Variants in FER1L6 observed in about 807,000 individuals in gnomAD.
The protein encoded by FER1L6 is fer-1 like family member 6, also known as fer-1-like protein 6.
A neutral mutation model predicts 219.2 loss-of-function variants in FER1L6; 177 were observed. The ratio of observed to expected loss-of-function variants is 0.81; its 90% CI spans 0.71 to 0.91. The LOEUF (loss-of-function observed/expected upper bound fraction) is 0.91, where lower values mean the gene tolerates loss of function less well. Among genes scored for constraint, FER1L6 ranks in the 40% least tolerant of loss-of-function variants. The pLI is 0.00. For synonymous variants in FER1L6, 768 were observed against 824.3 expected (o/e 0.93, Z 1.17); for missense variants, 2,153 against 2,259.9 (o/e 0.95, Z 0.96).
intron 1 of FER1L6, among the ~76,000 whole-genome samples, chr8:123,868,935 G>C (rs753210396): frequency 2.6e-5 from 4 of 152,154 alleles, no homozygotes; most frequent in Non-Finnish European, 5.9e-5. Flanking sequence ...CAGTAGTTCA[G>C]ACAGGTAGGG....
At chr8:124,005,837 G>T (rs1290939853) in intron 13 of FER1L6, among the ~76,000 whole-genome samples, 1 of 152,222 alleles carries the variant, frequency 6.6e-6, no homozygotes, top group Non-Finnish European at 1.5e-5. Context: ...GGATGAGAAT[G>T]TGCTTAAGGG....
Position 124,010,728 on chromosome 8 carries a change from A to T in FER1L6, c.1821+14A>T. ...GCAGACTTCCTGGTAGGTGACTCTG[A>T]CAGGTGATGGATTAGAGAATTGGGA... is the stretch of plus-strand genomic sequence containing the variant. On this transcript the variant is annotated intron_variant, in intron 14 of 40. Coordinates refer to ENST00000522917, the MANE Select transcript of FER1L6 (RefSeq NM_001039112.2). 1 of 1,612,384 alleles carries T rather than the reference A, an allele frequency of 6.2e-7. No homozygotes were observed. Among genetic ancestry groups the T allele is most frequent in the Non-Finnish European group, 8.5e-7 (1 of 1,179,620 alleles).
intron 12 of FER1L6, among the ~76,000 whole-genome samples, chr8:123,997,298 G>C (rs965330809): frequency 4.6e-5 from 7 of 151,996 alleles, no homozygotes; most frequent in Non-Finnish European, 1.0e-4. Context: ...AGGATAAAAG[G>C]GTTTTTGTTG....
chr8:124,074,524 T>C (rs1821199837), intron 31 of FER1L6, among the ~76,000 whole-genome samples: 2 of 151,938 alleles, frequency 1.3e-5, no homozygotes, highest in African/African-American at 4.8e-5. Context: ...TGGTGGCTCA[T>C]GCCTGTAGTT....
chr8:124,104,422 G>A (rs1022663849), intron 39 of FER1L6, among the ~76,000 whole-genome samples: 1 of 152,216 alleles, frequency 6.6e-6, no homozygotes, highest in East Asian at 1.9e-4. Context: ...TGAAATGCAG[G>A]GAAGGAATGG....
At chr8:123,967,940 A>T (rs1447262186) in intron 5 of FER1L6, among the ~76,000 whole-genome samples, 1 of 152,106 alleles carries the variant, frequency 6.6e-6, no homozygotes, top group Admixed American at 6.5e-5. Context: ...TGGGCAACAA[A>T]GCAAGACGTT....
chr8:124,112,697 C>T (rs983721376), intron 39 of FER1L6, among the ~76,000 whole-genome samples: 5 of 152,166 alleles, frequency 3.3e-5, no homozygotes, highest in African/African-American at 4.8e-5. Flanking sequence ...CTGTCAGCAT[C>T]TATTATGGCT....
intron 2 of FER1L6, among the ~76,000 whole-genome samples, chr8:123,960,101 G>T (rs1041953352): frequency 3.3e-5 from 5 of 152,136 alleles, no homozygotes; most frequent in African/African-American, 1.2e-4. Context: ...ACCTGTAGGG[G>T]GGTAAATGAT....
chr8:123,904,068 G>A (rs1207016553), intron 1 of FER1L6, among the ~76,000 whole-genome samples: 2 of 152,192 alleles, frequency 1.3e-5, no homozygotes, highest in African/African-American at 4.8e-5. Flanking sequence ...CAAGAACACA[G>A]GGCAGTAGAT....
chr8:123,860,799 A>G (rs2130253063), intron 1 of FER1L6, among the ~76,000 whole-genome samples: 1 of 136,228 alleles, frequency 7.3e-6, no homozygotes, highest in African/African-American at 3.0e-5. Flanking sequence ...GTGTCTGTTC[A>G]TGTCCCTTGC....
intron 1 of FER1L6, among the ~76,000 whole-genome samples, chr8:123,948,731 G>T (rs931259590): frequency 1.3e-5 from 2 of 151,492 alleles, no homozygotes; most frequent in African/African-American, 2.4e-5. Context: ...GAATTGGTCA[G>T]GGCCTCCAGT....
At chr8:123,912,274 A>G (rs548475258) in intron 1 of FER1L6, among the ~76,000 whole-genome samples, 1 of 98,054 alleles carries the variant, frequency 1.0e-5, no homozygotes, top group Admixed American at 1.0e-4. Flanking sequence ...AAACTTGTCA[A>G]TGTTTAAAAA....
Position 124,064,331 on chromosome 8 carries a change from T to C in FER1L6, c.3329-16T>C, listed in dbSNP as rs1385131208. The C allele has an allele frequency of 8.1e-6, 13 of 1,606,754 alleles. No homozygotes were observed. The highest frequency in any genetic ancestry group is 5.4e-5 in the African/African-American group (4 of 74,730). On this transcript the variant is annotated splice_polypyrimidine_tract_variant and intron_variant, in intron 25 of 40. Coordinates refer to ENST00000522917, the MANE Select transcript of FER1L6 (RefSeq NM_001039112.2). Reference sequence around the variant, plus strand: ...GATGCAGCCCAGCTCCCTGACCTGATGTGCTTTCATTTCAGATATTTCAGA... The same window carrying C: ...GATGCAGCCCAGCTCCCTGACCTGACGTGCTTTCATTTCAGATATTTCAGA...
At chr8:124,038,331 C>T (rs542877549) in intron 19 of FER1L6, among the ~76,000 whole-genome samples, 28 of 152,332 alleles carry the variant, frequency 1.8e-4, no homozygotes, top group South Asian at 8.3e-4. Context: ...GATTGCTTTG[C>T]GTGCACATAT....
chr8:124,116,481 G>A (rs903124215), intron 39 of FER1L6, among the ~76,000 whole-genome samples: 1 of 151,066 alleles, frequency 6.6e-6, no homozygotes, highest in African/African-American at 2.4e-5. Flanking sequence ...GTTATAAAGT[G>A]CCATAGCCAA....
At chr8:123,921,168 A>G (rs1329936513) in intron 1 of FER1L6, among the ~76,000 whole-genome samples, 4 of 152,122 alleles carry the variant, frequency 2.6e-5, no homozygotes, top group Admixed American at 1.3e-4. Context: ...ATATCTCTTC[A>G]AGATTCTGCT....
In FER1L6 at chr8:124,097,689, GA is replaced by G. The variant is rs1417336749; in HGVS notation, c.4785-93del. ...TATTTCTGAACTTGGCAAACTTTAG[GA>G]AACTTATAGACCAAAGGCAATGCTA... On this transcript the variant is annotated intron_variant, in intron 36 of 40. Transcript: ENST00000522917. 15 of 731,930 alleles carry G rather than the reference GA, an allele frequency of 2.0e-5. No homozygotes were observed. The Admixed American group carries it at 3.3e-4, about 16-fold the overall frequency. 45.3% of individuals were successfully genotyped at this position (731,930 alleles called of 1,614,324 possible). A position where few individuals can be genotyped will look rare whatever the true frequency, so the allele number is the denominator to read the frequency against.
intron 24 of FER1L6, 194 bp downstream of exon 24, chr8:124,060,903 A>G (rs1174627439): frequency 7.2e-6 from 4 of 555,318 alleles, no homozygotes; most frequent in South Asian, 5.2e-5. Context: ...TCATACAGCA[A>G]TCAAAGCAGG....
intron 33 of FER1L6, among the ~76,000 whole-genome samples, chr8:124,088,665 C>T (rs1358921636): frequency 6.6e-6 from 1 of 152,062 alleles, no homozygotes; most frequent in Non-Finnish European, 1.5e-5. Context: ...CAAGTACTAC[C>T]TGGCTCTCAC....
Sources: gnomAD v4.1 joint callset for allele counts (sites outside exome capture counted in the v4.1 genomes callset) on GRCh38, gnomAD v4.1.1 for gene constraint, MANE v1.5 for transcripts, NCBI Gene and HGNC (gene_info 2026-07-23, HGNC 2026-07-21) for gene names.